Variants in NBL1 observed in about 807,000 individuals in gnomAD.
NBL1 encodes NBL1, DAN family BMP antagonist.
Under a neutral mutation model 16.0 loss-of-function variants are expected in NBL1, and 9 were observed. The ratio of observed to expected loss-of-function variants is 0.56; its 90% confidence interval spans 0.34 to 0.98. The LOEUF is 0.98. Among genes scored for constraint, NBL1 ranks in the 50% least tolerant of loss-of-function variants. The pLI is 0.02. For synonymous variants in NBL1, 86 were observed against 100.7 expected, an observed-to-expected ratio of 0.85 and a Z score of 0.87; for missense variants, 196 against 243.1, an observed-to-expected ratio of 0.81 and a Z score of 1.29.
At position 19,655,148 on chromosome 1, in the gene NBL1, A is replaced by G. The variant is rs1470846273; in HGVS notation, c.118A>G (p.Ile40Val). The change falls in exon 2 of 4, where the codon ATC (isoleucine) becomes GTC (valine). Residue 40 changes from isoleucine to valine, a missense_variant. By Grantham distance (29) the Ile-to-Val change is conservative. Coordinates refer to ENST00000375136, the MANE Select transcript of NBL1 (RefSeq NM_005380.8). ...DKSAWCEAKN[I>V]TQIVGHSGCE... ...GAGTGCCTGGTGCGAAGCCAAGAAC[A>G]TCACCCAGATCGTGGGCCACAGCGG... 1 of 1,610,670 alleles carries G rather than the reference A, an allele frequency of 6.2e-7. No individual in the cohort carries two copies. Among genetic ancestry groups the G allele is most frequent in the African/African-American group, 1.3e-5 (1 of 74,826 alleles).
At chr1:19,645,942 G>A in intron 1 of NBL1, 1 of 1,550,444 alleles carries the variant, frequency 6.4e-7, no homozygotes, top group Non-Finnish European at 8.7e-7. Flanking sequence ...TGGAACTTCT[G>A]CTGAGCAGAT....
intron 1 of NBL1, among the ~76,000 whole-genome samples, chr1:19,653,110 AC>A: frequency 6.6e-6 from 1 of 151,618 alleles, no homozygotes; most frequent in South Asian, 2.1e-4. Context: ...ACACGGTGAA[AC>A]CCCGTCTCTA....
At chr1:19,648,772 T>TGG (rs2095001615) in intron 1 of NBL1, among the ~76,000 whole-genome samples, 1 of 30,610 alleles carries the variant, frequency 3.3e-5, no homozygotes, top group Non-Finnish European at 6.0e-5. Flanking sequence ...GATTTGGGAG[T>TGG]GGCGGGTGGG....
upstream of NBL1, chr1:19,643,885 G>A (rs2094961459): frequency 1.0e-6 from 1 of 989,260 alleles, no homozygotes; most frequent in Non-Finnish European, 1.2e-6. The surrounding 1 kb of genome is among the most constrained non-coding windows in gnomAD (Gnocchi z 4.7). Flanking sequence ...TGCAATGCCC[G>A]GTGCCCACAA....
chr1:19,643,834 G>A (rs2094961254), upstream of NBL1: 4 of 991,444 alleles, frequency 4.0e-6, no homozygotes, highest in African/African-American at 3.5e-5. This position sits in a 1 kb window ranked among gnomAD's most constrained non-coding sequence, Gnocchi z 4.7. Context: ...TCCTGGTGCC[G>A]GGACGCGGCG....
At chr1:19,647,974 G>T (rs1488164081) in intron 1 of NBL1, among the ~76,000 whole-genome samples, 2 of 152,048 alleles carry the variant, frequency 1.3e-5, no homozygotes, top group African/African-American at 2.4e-5. Context: ...TGTGTTCTGC[G>T]TTCATAGGGG....
chr1:19,652,036 C>G (rs1203537769), intron 1 of NBL1, among the ~76,000 whole-genome samples: 4 of 152,148 alleles, frequency 2.6e-5, no homozygotes, highest in Non-Finnish European at 5.9e-5. Flanking sequence ...AGCCACCATG[C>G]CTGGCCCAGG....
intron 3 of NBL1, 136 bp downstream of exon 3, chr1:19,655,571 C>T (rs2095051681): frequency 2.0e-6 from 2 of 1,006,798 alleles, no homozygotes; most frequent in South Asian, 1.6e-5. Flanking sequence ...GGGTGAAGGG[C>T]TTGTGCTGGG....
intron 1 of NBL1, among the ~76,000 whole-genome samples, chr1:19,648,446 C>T (rs970259416): frequency 6.6e-6 from 1 of 152,164 alleles, no homozygotes; most frequent in Non-Finnish European, 1.5e-5. Context: ...GAGGGCCGGG[C>T]CCCGGCGTCT....
chr1:19,654,138 G>C (rs1387697143), intron 1 of NBL1, among the ~76,000 whole-genome samples: 1 of 152,122 alleles, frequency 6.6e-6, no homozygotes, highest in Non-Finnish European at 1.5e-5. Context: ...GGCCAGGTGC[G>C]GTGGCTCACG....
upstream of NBL1, chr1:19,643,308 C>T: frequency 6.2e-7 from 1 of 1,613,736 alleles, no homozygotes; most frequent in Non-Finnish European, 8.5e-7. This position sits in a 1 kb window ranked among gnomAD's most constrained non-coding sequence, Gnocchi z 4.7. Context: ...AGGAGCCACC[C>T]AGGATGCCCG....
intron 1 of NBL1, chr1:19,645,940 C>G: frequency 6.4e-7 from 1 of 1,550,420 alleles, no homozygotes; most frequent in Non-Finnish European, 8.7e-7. Context: ...AGTGGAACTT[C>G]TGCTGAGCAG....
intron 1 of NBL1, among the ~76,000 whole-genome samples, chr1:19,649,151 C>T (rs2095005881): frequency 1.3e-5 from 2 of 152,060 alleles, no homozygotes; most frequent in Admixed American, 6.6e-5. Context: ...CTGCTACCCT[C>T]CAGGTTCAAA....
chr1:19,656,788 G>A, intron 3 of NBL1, 78 bp from the exon 4 acceptor site: 1 of 1,487,544 alleles, frequency 6.7e-7, no homozygotes, highest in Non-Finnish European at 9.0e-7. Context: ...ATCCCATGAG[G>A]AAGTATTACC....
intron 1 of NBL1, among the ~76,000 whole-genome samples, chr1:19,646,395 A>C (rs1332722614): frequency 6.6e-6 from 1 of 152,214 alleles, no homozygotes; most frequent in Non-Finnish European, 1.5e-5. Context: ...CCAGGCACAC[A>C]GAAAGCCAAT....
chr1:19,655,255 A>G (rs2095049539), intron 2 of NBL1, 55 bp downstream of exon 2: 1 of 1,609,950 alleles, frequency 6.2e-7, no homozygotes. Context: ...GGAGGGAGGA[A>G]GAGGACCAGG....
At chr1:19,643,478 A>G, upstream of NBL1, 1 of 1,580,676 alleles carries the variant, frequency 6.3e-7, no homozygotes, top group Non-Finnish European at 8.6e-7. This position sits in a 1 kb window ranked among gnomAD's most constrained non-coding sequence, Gnocchi z 4.7. Flanking sequence ...TTCCAGAAGC[A>G]AAGTTATTTT....
intron 1 of NBL1, among the ~76,000 whole-genome samples, chr1:19,651,595 G>T (rs765416974): frequency 6.6e-6 from 1 of 152,000 alleles, no homozygotes; most frequent in East Asian, 1.9e-4. Context: ...CCACAGCCTC[G>T]GTTGTGACCT....
intron 1 of NBL1, among the ~76,000 whole-genome samples, chr1:19,653,607 C>T (rs934019203): frequency 2.6e-5 from 4 of 152,232 alleles, no homozygotes; most frequent in African/African-American, 9.6e-5. Context: ...GTTTGGGAAC[C>T]ACTGGCCTGG....
Sources: gnomAD v4.1 joint callset for allele counts (sites outside exome capture counted in the v4.1 genomes callset) on GRCh38, gnomAD v4.1.1 for gene constraint, Gnocchi (gnomAD v3.1) non-coding constraint, MANE v1.5 for transcripts, NCBI Gene and HGNC (gene_info 2026-07-23, HGNC 2026-07-21) for gene names.